The following GPIHBP1 variants were observed in gnomAD, a reference collection of about 807,000 sequenced individuals.
GPIHBP1 encodes glycosylphosphatidylinositol anchored high density lipoprotein binding protein 1.
GPIHBP1 carries 11 observed loss-of-function variants against 13.0 expected under a neutral mutation model. That is an observed-to-expected ratio of 0.84 (90% CI 0.53 to 1.40). The LOEUF (loss-of-function observed/expected upper bound fraction) is 1.40, where lower values mean the gene tolerates loss of function less well. Ranked by LOEUF, GPIHBP1 falls within the 40% of genes most tolerant of loss-of-function variation. The pLI is 0.00. For missense variants in GPIHBP1, 231 were observed against 241.1 expected (o/e 0.96, Z 0.28); for synonymous variants, 106 against 102.2 (o/e 1.04, Z -0.22).
In GPIHBP1 at chr8:143,215,317, C is replaced by T; in HGVS notation, c.354C>T (p.Thr118=). 1 of 1,612,950 alleles carries T rather than the reference C, an allele frequency of 6.2e-7. No homozygotes were observed. Among genetic ancestry groups the T allele is most frequent in the Non-Finnish European group, 8.5e-7 (1 of 1,180,004 alleles). The change falls in exon 4 of 4, where the codon ACC becomes ACT. Residue 118 remains threonine (T), a synonymous_variant. Coordinates refer to ENST00000622500, the MANE Select transcript of GPIHBP1 (RefSeq NM_178172.6). The part of the protein sequence containing the change: ...TWCTDSCQPI[T]KTVEGTQVTM... ...GCACAGACAGCTGCCAGCCCATCACCAAGACGGTGGAGGGGACCCAGGTGA... is the reference window on the plus strand; with the variant it reads ...GCACAGACAGCTGCCAGCCCATCACTAAGACGGTGGAGGGGACCCAGGTGA...
rs1194041616 is a variant in GPIHBP1 at position 143,216,993 on chromosome 8, T to G, written c.*1475T>G. On this transcript the variant is annotated 3_prime_UTR_variant, in exon 4 of 4. Coordinates refer to ENST00000622500, the MANE Select transcript of GPIHBP1 (RefSeq NM_178172.6). Reference sequence around the variant, plus strand: ...GTCACGTCTTTCTCCTTCTCCTTCCTCCTTCTGCTGGCTGAAGTGATGACT... The same window carrying G: ...GTCACGTCTTTCTCCTTCTCCTTCCGCCTTCTGCTGGCTGAAGTGATGACT... 1.3e-5 allele frequency: 2 copies of G among 152,336 alleles called. No individual in the cohort carries two copies. The highest frequency in any genetic ancestry group is 1.5e-5 in the Non-Finnish European group (1 of 68,130). The allele number at this position is 152,336 out of a possible 1,614,324, so 9.4% of individuals were successfully genotyped here. A position where few individuals can be genotyped will look rare whatever the true frequency, so the allele number is the denominator to read the frequency against.
rs150392482 is a variant in GPIHBP1, at chr8:143,214,763, G to A, written c.182-250G>A. On this transcript the variant is annotated intron_variant, in intron 2 of 3. Transcript: ENST00000622500. The surrounding 1 kb of genome is among the most constrained non-coding windows in gnomAD (Gnocchi z 4.1). Reference sequence around the variant, plus strand: ...CGGCAGGAGCCTGGGCAGCATTGTCGCAGGACGTGAGTGATGATGGGAAGT... The same window carrying A: ...CGGCAGGAGCCTGGGCAGCATTGTCACAGGACGTGAGTGATGATGGGAAGT... Among the ~76,000 whole-genome samples the A allele has an allele frequency of 6.6e-6, 1 of 152,216 alleles. No homozygotes were observed. The highest frequency in any genetic ancestry group is 6.5e-5 in the Admixed American group (1 of 15,286).
Position 143,213,332 on chromosome 8 carries a change from G to T in GPIHBP1, c.52+13G>T. ...TTCGGGCGGCCAGGTGCGGGGCAAAGGGTAACCCTGCGGTGAGGGGGCAGC... is the reference window on the plus strand; with the variant it reads ...TTCGGGCGGCCAGGTGCGGGGCAAATGGTAACCCTGCGGTGAGGGGGCAGC... On this transcript the variant is annotated intron_variant, in intron 1 of 3. Coordinates refer to ENST00000622500, the MANE Select transcript of GPIHBP1 (RefSeq NM_178172.6). 1 of 1,589,678 alleles carries T rather than the reference G, an allele frequency of 6.3e-7. No homozygotes were observed.
Position 143,214,323 on chromosome 8 carries a change from G to A in GPIHBP1, c.181+373G>A, listed in dbSNP as rs1816266886. ...GGTGGGCCGGTCCTGTACAGGGGAG[G>A]GCTGGATTGGCTGCTGCGGGCTGGG... On this transcript the variant is annotated intron_variant, in intron 2 of 3. Coordinates refer to ENST00000622500, the MANE Select transcript of GPIHBP1 (RefSeq NM_178172.6). The surrounding 1 kb of genome is among the most constrained non-coding windows in gnomAD (Gnocchi z 4.1). 6.6e-6 allele frequency among the ~76,000 whole-genome samples: 1 copy of A among 152,048 alleles called. No homozygotes were observed. Among genetic ancestry groups the A allele is most frequent in the East Asian group, 1.9e-4 (1 of 5,180 alleles).
At position 143,213,878 on chromosome 8, in the gene GPIHBP1, GACT is replaced by G. The variant is rs1816259628; in HGVS notation, c.112_114del (p.Tyr38del). On this transcript the variant is annotated inframe_deletion, in exon 2 of 4. Coordinates refer to ENST00000622500, the MANE Select transcript of GPIHBP1 (RefSeq NM_178172.6). Reference sequence around the variant, plus strand: ...AGAGGACGAGGACCACGGGCCAGATGACTACGACGAGGAAGATGAGGATGAGGT... The same window carrying G: ...AGAGGACGAGGACCACGGGCCAGATGACGACGAGGAAGATGAGGATGAGGT... 2 of 1,553,134 alleles carry G rather than the reference GACT, an allele frequency of 1.3e-6. No homozygotes were observed. The highest frequency in any genetic ancestry group is 1.7e-6 in the Non-Finnish European group (2 of 1,148,018).
Position 143,215,977 on chromosome 8 carries a change from T to G in GPIHBP1, c.*459T>G. The stretch of plus-strand genomic sequence containing the variant: ...TCCGCTGTCTGGAGGGAAGGGGATT[T>G]GGAGGGAGGCTGTCGTCGCCCCCAG... On this transcript the variant is annotated 3_prime_UTR_variant, in exon 4 of 4. Transcript: ENST00000622500. 1 of 174,044 alleles carries G rather than the reference T, an allele frequency of 5.7e-6. No homozygotes were observed. Among genetic ancestry groups the G allele is most frequent in the Non-Finnish European group, 1.2e-5 (1 of 81,394 alleles). 10.8% of individuals were successfully genotyped at this position (174,044 alleles called of 1,614,324 possible). A position where few individuals can be genotyped will look rare whatever the true frequency, so the allele number is the denominator to read the frequency against.
Position 143,214,075 on chromosome 8 carries a change from C to A in GPIHBP1, c.181+125C>A. ...AGCTTGCCTCCAGCAGAGTGGGGGA[C>A]ACTCAGTACACCCCTCACTGCTGCT... On this transcript the variant is annotated intron_variant, in intron 2 of 3. Transcript: ENST00000622500. This position sits in a 1 kb window ranked among gnomAD's most constrained non-coding sequence, Gnocchi z 4.1. 8.2e-7 allele frequency: 1 copy of A among 1,217,356 alleles called. No individual in the cohort carries two copies. 75.4% of individuals were successfully genotyped at this position (1,217,356 alleles called of 1,614,324 possible).
rs1411010335 is a variant in GPIHBP1 at position 143,216,109 on chromosome 8, G to GT, written c.*591_*592insT. ...GCCACATGCGGAGGGGCGGGGCGGG[G>GT]GGGGGCTGGGGGGACAGGCACCAAG... On this transcript the variant is annotated 3_prime_UTR_variant, in exon 4 of 4. Coordinates refer to ENST00000622500, the MANE Select transcript of GPIHBP1 (RefSeq NM_178172.6). 1 of 150,512 alleles carries GT rather than the reference G, an allele frequency of 6.6e-6. No individual in the cohort carries two copies. Among genetic ancestry groups the GT allele is most frequent in the Non-Finnish European group, 1.5e-5 (1 of 67,890 alleles). The allele number at this position is 150,512 out of a possible 1,614,324, so 9.3% of individuals were successfully genotyped here. A position where few individuals can be genotyped will look rare whatever the true frequency, so the allele number is the denominator to read the frequency against.
rs767103438 is a variant in GPIHBP1, at chr8:143,215,430, G to GC, written c.472dup (p.Arg158ProfsTer149). On this transcript the variant is annotated frameshift_variant, in exon 4 of 4. Coordinates refer to ENST00000622500, the MANE Select transcript of GPIHBP1 (RefSeq NM_178172.6). LOFTEE classifies it low-confidence loss of function (END_TRUNC). ...GACCCAACAGGCAAGGGGGCAGGCGGCCCCCGGGGCAGCTCCGAAACTGTG... is the reference window on the plus strand; with the variant it reads ...GACCCAACAGGCAAGGGGGCAGGCGGCCCCCCGGGGCAGCTCCGAAACTGTG... 6.2e-7 allele frequency: 1 copy of GC among 1,612,578 alleles called. No homozygotes were observed.
rs578241608 is a variant in GPIHBP1 at position 143,214,700 on chromosome 8, A to G, written c.182-313A>G. Among the ~76,000 whole-genome samples the G allele has an allele frequency of 6.6e-6, 1 of 152,272 alleles. No homozygotes were observed. Among genetic ancestry groups the G allele is most frequent in the Admixed American group, 6.5e-5 (1 of 15,298 alleles). On this transcript the variant is annotated intron_variant, in intron 2 of 3. Coordinates refer to ENST00000622500, the MANE Select transcript of GPIHBP1 (RefSeq NM_178172.6). The surrounding 1 kb of genome is among the most constrained non-coding windows in gnomAD (Gnocchi z 4.1). ...TGCCAGGCCTGGTGCTCCTGGAGGC[A>G]GGACTGAGTCAGACCCACCTCCAGG...
chr8:143,215,462 GC>G lies in GPIHBP1; in HGVS notation c.502del (p.Leu168SerfsTer85). The G allele has an allele frequency of 4.3e-6, 7 of 1,612,134 alleles. No homozygotes were observed. Among genetic ancestry groups the G allele is most frequent in the Non-Finnish European group, 5.9e-6 (7 of 1,179,842 alleles). ...GGGCAGCTCCGAAACTGTGGGCGCA[GC>G]CCTCCTGCTCAACCTCCTTGCCGGC... is the stretch of plus-strand genomic sequence containing the variant. ...PRGSSETVGA[A>X]LLLNLLAGLG... On this transcript the variant is annotated frameshift_variant, in exon 4 of 4. Transcript: ENST00000622500. LOFTEE classifies it low-confidence loss of function (END_TRUNC).
At position 143,215,034 on chromosome 8, in the gene GPIHBP1, G is replaced by A; in HGVS notation, c.203G>A (p.Cys68Tyr). The change falls in exon 3 of 4, where the codon TGC becomes TAC. Residue 68 changes from cysteine (C) to tyrosine (Y), a missense_variant. Physicochemically the swap from Cys to Tyr is radical, Grantham distance 194. Transcript: ENST00000622500. The stretch of plus-strand genomic sequence containing the variant: ...CCAGTGCTGCTGCGGTGCTACACCT[G>A]CAAGTCCCTGCCCAGGGACGAGCGC... ...RSRVLLRCYT[C>Y]KSLPRDERCN... 1.3e-6 allele frequency: 2 copies of A among 1,588,188 alleles called. No homozygotes were observed. The highest frequency in any genetic ancestry group is 1.7e-6 in the Non-Finnish European group (2 of 1,168,012).
intron 1 of GPIHBP1, among the ~76,000 whole-genome samples, 171 bp downstream of exon 1, chr8:143,213,490 A>G (rs898456172): frequency 3.3e-5 from 5 of 151,822 alleles, no homozygotes; most frequent in African/African-American, 4.8e-5. Flanking sequence ...AGAGTCCCCA[A>G]ATATCTGCGC....
chr8:143,213,853 AGAGGAC>A lies in GPIHBP1; in HGVS notation c.91_96del (p.Glu31_Asp32del), dbSNP rs1816258783. On this transcript the variant is annotated inframe_deletion, in exon 2 of 4. Coordinates refer to ENST00000622500, the MANE Select transcript of GPIHBP1 (RefSeq NM_178172.6). ...GGCAGACACAGCAGGAGGAAGAGGA[AGAGGAC>A]GAGGACCACGGGCCAGATGACTACG... 6.4e-7 allele frequency: 1 copy of A among 1,559,270 alleles called. No homozygotes were observed. Among genetic ancestry groups the A allele is most frequent in the Non-Finnish European group, 8.7e-7 (1 of 1,151,736 alleles).
In GPIHBP1 at chr8:143,214,762, C is replaced by T. The variant is rs11136269; in HGVS notation, c.182-251C>T. 1.3e-5 allele frequency among the ~76,000 whole-genome samples: 2 copies of T among 151,974 alleles called. No individual in the cohort carries two copies. The highest frequency in any genetic ancestry group is 1.9e-4 in the East Asian group (1 of 5,166). On this transcript the variant is annotated intron_variant, in intron 2 of 3. Coordinates refer to ENST00000622500, the MANE Select transcript of GPIHBP1 (RefSeq NM_178172.6). The surrounding 1 kb of genome is among the most constrained non-coding windows in gnomAD (Gnocchi z 4.1). ...ACGGCAGGAGCCTGGGCAGCATTGT[C>T]GCAGGACGTGAGTGATGATGGGAAG...
chr8:143,214,289 G>C lies in GPIHBP1; in HGVS notation c.181+339G>C, dbSNP rs899869470. Among the ~76,000 whole-genome samples the C allele has an allele frequency of 1.3e-5, 2 of 152,066 alleles. No individual in the cohort carries two copies. Among genetic ancestry groups the C allele is most frequent in the Non-Finnish European group, 2.9e-5 (2 of 68,010 alleles). ...AGGGTTCAGTTTTGTGGGGCAGAGAGAGCAGCAGGGTGGGCCGGTCCTGTA... is the reference window on the plus strand; with the variant it reads ...AGGGTTCAGTTTTGTGGGGCAGAGACAGCAGCAGGGTGGGCCGGTCCTGTA... On this transcript the variant is annotated intron_variant, in intron 2 of 3. Coordinates refer to ENST00000622500, the MANE Select transcript of GPIHBP1 (RefSeq NM_178172.6). This position sits in a 1 kb window ranked among gnomAD's most constrained non-coding sequence, Gnocchi z 4.1.
chr8:143,215,154 G>A lies in GPIHBP1; in HGVS notation c.295+28G>A, dbSNP rs201558206. On this transcript the variant is annotated intron_variant, in intron 3 of 3. Coordinates refer to ENST00000622500, the MANE Select transcript of GPIHBP1 (RefSeq NM_178172.6). The stretch of plus-strand genomic sequence containing the variant: ...AAGTGGGCGTGGGGCCGCAGCACAT[G>A]CACCCCCAGGCGGCGGGAAAGCCAG... 190 of 1,608,830 alleles carry A rather than the reference G, an allele frequency of 1.2e-4. 1 individual carries two copies. In the Middle Eastern group the frequency reaches 2.6e-3, roughly 22 times the overall value.
chr8:143,213,311 G>C lies in GPIHBP1; in HGVS notation c.44G>C (p.Gly15Ala). The change falls in exon 1 of 4, where the codon GGG becomes GCG. Residue 15 changes from glycine to alanine, a missense_variant. By Grantham distance (60) the Gly-to-Ala change is moderately conservative (BLOSUM62 0). Coordinates refer to ENST00000622500, the MANE Select transcript of GPIHBP1 (RefSeq NM_178172.6). ...GAVLLALLLF[G>A]RPGRGQTQQE... ...GTCCTGCTTGCCCTCTTGCTGTTCG[G>C]GCGGCCAGGTGCGGGGCAAAGGGTA... 6 of 1,594,860 alleles carry C rather than the reference G, an allele frequency of 3.8e-6. No individual in the cohort carries two copies. Among genetic ancestry groups the C allele is most frequent in the Non-Finnish European group, 5.1e-6 (6 of 1,175,642 alleles).
rs748532442 is a variant in GPIHBP1, at chr8:143,213,825, G to A, written c.56G>A (p.Arg19Lys). The A allele has an allele frequency of 6.4e-7, 1 of 1,570,460 alleles. No individual in the cohort carries two copies. Among genetic ancestry groups the A allele is most frequent in the Admixed American group, 1.9e-5 (1 of 53,670 alleles). ...ACAAGCATCCCTGCACGGCCAGGGA[G>A]AGGGCAGACACAGCAGGAGGAAGAG... ...LALLLFGRPG[R>K]GQTQQEEEEE... The change falls in exon 2 of 4, where the codon AGA (arginine) becomes AAA (lysine). Residue 19 changes from arginine (R) to lysine (K), a missense_variant. By Grantham distance (26) the Arg-to-Lys change is conservative. Coordinates refer to ENST00000622500, the MANE Select transcript of GPIHBP1 (RefSeq NM_178172.6).
Sources: allele counts gnomAD v4.1 joint callset (sites outside exome capture counted in the v4.1 genomes callset), GRCh38; gene constraint gnomAD v4.1.1; non-coding constraint Gnocchi (gnomAD v3.1); transcripts MANE v1.5; gene names NCBI Gene and HGNC (gene_info 2026-07-23, HGNC 2026-07-21).